The following C13orf42 variants were observed in gnomAD, a reference collection of about 807,000 sequenced individuals.
C13orf42 encodes the protein uncharacterized protein C13orf42.
At chr13:51,097,937 C>G (rs1447081699) in intron 1 of C13orf42, among the ~76,000 whole-genome samples, 2 of 152,240 alleles carry the variant, frequency 1.3e-5, no homozygotes, top group Non-Finnish European at 2.9e-5. Flanking sequence ...AGCTCCACTC[C>G]AGTTTGCCTT....
upstream of C13orf42, among the ~76,000 whole-genome samples, chr13:51,114,647 G>GAT (rs10681325): frequency 0.36 from 22,164 of 62,342 alleles, 1,893 homozygotes; most frequent in South Asian, 0.44. Context: ...TAGATAGATA[G>GAT]AGATAGACAG....
At chr13:51,138,624 G>A (rs977474807) in intron 1 of C13orf42, among the ~76,000 whole-genome samples, 24 of 152,266 alleles carry the variant, frequency 1.6e-4, no homozygotes, top group Admixed American at 1.2e-3. Flanking sequence ...TTGGAACCCC[G>A]TATACTGTTG....
rs1288923329 is a variant in C13orf42, at chr13:51,087,976, G to C, written c.514C>G (p.Pro172Ala). 2 of 398,834 alleles carry C rather than the reference G, an allele frequency of 5.0e-6. No homozygotes were observed. Among genetic ancestry groups the C allele is most frequent in the East Asian group, 7.1e-5 (2 of 28,094 alleles). 24.7% of individuals were successfully genotyped at this position (398,834 alleles called of 1,614,324 possible). ...IIAELDTERR[P>A]RAAEASLPNE... ...GGCAGGCTGGCCTCAGCAGCCCGGG[G>C]TCGTCTCTCTGTATCCAGCTCTGCA... Residue 172 changes from proline to alanine, a missense_variant, in exon 2 of 4, where the codon CCC becomes GCC. Transcript: ENST00000563710.
rs1953427496 is a variant in C13orf42, at chr13:51,111,132, T to C, written c.78A>G (p.Gly26=). The C allele has an allele frequency of 2.5e-6, 1 of 398,526 alleles. No homozygotes were observed. Among genetic ancestry groups the C allele is most frequent in the African/African-American group, 2.1e-5 (1 of 48,638 alleles). The allele number at this position is 398,526 out of a possible 1,614,324, so 24.7% of individuals were successfully genotyped here. A position where few individuals can be genotyped will look rare whatever the true frequency, so the allele number is the denominator to read the frequency against. ...KTAAESPFYE[G]ASPAVKLIRS... is the part of the protein sequence containing the mutation. ...GAATCAGCTTCACTGCGGGGCTGGCTCCTTCGTAGAAGGGGCTCTCGGCCG... is the reference window on the plus strand; with the variant it reads ...GAATCAGCTTCACTGCGGGGCTGGCCCCTTCGTAGAAGGGGCTCTCGGCCG... Residue 26 remains glycine, a synonymous_variant, in exon 1 of 4, where the codon GGA becomes GGG. Coordinates refer to ENST00000563710, the MANE Select transcript of C13orf42 (RefSeq NM_001351589.3).
chr13:51,129,445 G>A (rs1282898466), intron 1 of C13orf42, among the ~76,000 whole-genome samples: 1 of 152,116 alleles, frequency 6.6e-6, no homozygotes, highest in Non-Finnish European at 1.5e-5. Flanking sequence ...GGGATGGCTG[G>A]AAAAGATCCC....
At chr13:51,137,335 C>A (rs964064176) in intron 1 of C13orf42, among the ~76,000 whole-genome samples, 2 of 152,134 alleles carry the variant, frequency 1.3e-5, no homozygotes, top group African/African-American at 4.8e-5. Flanking sequence ...TCTGTGCAAC[C>A]CTGGGATGCC....
At chr13:51,150,270 A>G (rs1305216912) in intron 1 of C13orf42, among the ~76,000 whole-genome samples, 4 of 152,192 alleles carry the variant, frequency 2.6e-5, no homozygotes, top group Non-Finnish European at 4.4e-5. Flanking sequence ...TCACAGTGAA[A>G]ACAAACATCT....
chr13:51,129,187 C>A (rs1953597044), intron 1 of C13orf42, among the ~76,000 whole-genome samples: 1 of 152,178 alleles, frequency 6.6e-6, no homozygotes. Flanking sequence ...CAGTGACAAA[C>A]CTCTCTTGCT....
chr13:51,091,006 C>T (rs1218740514), intron 1 of C13orf42, among the ~76,000 whole-genome samples: 1 of 152,188 alleles, frequency 6.6e-6, no homozygotes, highest in Admixed American at 6.5e-5. Context: ...TCAAACATGT[C>T]GCCTATTTCC....
intron 1 of C13orf42, among the ~76,000 whole-genome samples, chr13:51,134,768 A>G (rs1426707777): frequency 6.6e-6 from 1 of 152,158 alleles, no homozygotes; most frequent in Non-Finnish European, 1.5e-5. Flanking sequence ...ATCCACCTAG[A>G]AAGAGGGAAG....
chr13:51,115,093 G>T (rs1953477394), upstream of C13orf42, among the ~76,000 whole-genome samples: 1 of 152,066 alleles, frequency 6.6e-6, no homozygotes, highest in Admixed American at 6.6e-5. Context: ...TTACTTATAG[G>T]AATATAAAAA....
chr13:51,168,745 A>C (rs1374779906), intron 1 of C13orf42, among the ~76,000 whole-genome samples: 1 of 152,176 alleles, frequency 6.6e-6, no homozygotes, highest in Non-Finnish European at 1.5e-5. Flanking sequence ...CCAATGTTGG[A>C]GGAGGGGTCA....
At chr13:51,093,965 TG>T (rs1196039612) in intron 1 of C13orf42, among the ~76,000 whole-genome samples, 1 of 152,056 alleles carries the variant, frequency 6.6e-6, no homozygotes, top group Non-Finnish European at 1.5e-5. Flanking sequence ...TTGTTTGTTT[TG>T]GGGGGGTATT....
rs61956842 is a variant in C13orf42 at position 51,117,337 on chromosome 13, T to A, written n.137-4115A>T. On this transcript the variant is annotated intron_variant and non_coding_transcript_variant, in intron 1 of 4. Transcript: ENST00000433280. ...TTTCATAAATCATTGTAGGAATAGA[T>A]CTCATTTTCCAAAAATGTAAAAGGA... Among the ~76,000 whole-genome samples, 1,025 of 152,308 alleles carry A rather than the reference T, an allele frequency of 6.7e-3. 3 individuals are homozygous for A. The highest frequency in any genetic ancestry group is 0.011 in the Non-Finnish European group (749 of 68,026).
intron 1 of C13orf42, among the ~76,000 whole-genome samples, chr13:51,118,244 C>T (rs1404177474): frequency 6.6e-6 from 1 of 151,342 alleles, no homozygotes; most frequent in Non-Finnish European, 1.5e-5. Context: ...TTCATCTGGA[C>T]CTTGAGTAGT....
intron 1 of C13orf42, among the ~76,000 whole-genome samples, chr13:51,123,287 A>G (rs1953550666): frequency 6.6e-6 from 1 of 152,216 alleles, no homozygotes; most frequent in African/African-American, 2.4e-5. Context: ...TTGCATATCT[A>G]TTGCAGATCA....
intron 1 of C13orf42, among the ~76,000 whole-genome samples, chr13:51,155,915 T>C (rs1054857391): frequency 1.3e-5 from 2 of 152,018 alleles, no homozygotes; most frequent in Non-Finnish European, 2.9e-5. Flanking sequence ...GGGTTGGAGA[T>C]CCAGGCAGAA....
chr13:51,162,675 T>C (rs944619987), intron 1 of C13orf42, among the ~76,000 whole-genome samples: 1 of 152,218 alleles, frequency 6.6e-6, no homozygotes, highest in Non-Finnish European at 1.5e-5. Flanking sequence ...GGATTTGCTC[T>C]GTCCTCTGGA....
rs942827803 is a variant in C13orf42 at position 51,095,605 on chromosome 13, T to C, written c.415-7530A>G. On this transcript the variant is annotated intron_variant, in intron 1 of 3. Coordinates refer to ENST00000563710, the MANE Select transcript of C13orf42 (RefSeq NM_001351589.3). ...ATCTCTTTGGACCCATCTTCAAGTC[T>C]GCTGATTTTTTCCACAGCTGTATCA... Among the ~76,000 whole-genome samples the C allele has an allele frequency of 6.6e-5, 10 of 152,178 alleles. No individual in the cohort carries two copies. The East Asian group carries it at 1.5e-3, about 23-fold the overall frequency.
Sources: allele counts gnomAD v4.1 joint callset (sites outside exome capture counted in the v4.1 genomes callset), GRCh38; gene constraint gnomAD v4.1.1; transcripts MANE v1.5; gene names NCBI Gene and HGNC (gene_info 2026-07-23, HGNC 2026-07-21).